The following NCOA1 variants were observed in gnomAD, a reference collection of about 807,000 sequenced individuals.
NCOA1 encodes the protein nuclear receptor coactivator 1, also known as Hin-2 protein.
Under a neutral mutation model 150.9 loss-of-function variants are expected in NCOA1, and 35 were observed. The ratio of observed to expected loss-of-function variants is 0.23; its 90% confidence interval spans 0.18 to 0.31. NCOA1 has a LOEUF of 0.31. Ranked by LOEUF, NCOA1 falls within the 10% of genes least tolerant of loss-of-function variation. The probability of loss-of-function intolerance (pLI) is 1.00; values close to 1 mark genes in which losing one functional copy is unlikely to be tolerated. For missense variants in NCOA1, 1,491 were observed against 1,749.3 expected, an observed-to-expected ratio of 0.85 and a Z score of 2.63; for synonymous variants, 590 against 630.0, an observed-to-expected ratio of 0.94 and a Z score of 0.95.
At chr2:24,574,764 C>G (rs1666884004) in intron 2 of NCOA1, among the ~76,000 whole-genome samples, 1 of 152,050 alleles carries the variant, frequency 6.6e-6, no homozygotes, top group Non-Finnish European at 1.5e-5. Flanking sequence ...TAGTAGGGTA[C>G]AGAATTTGAG....
chr2:24,518,683 A>G (rs1664303363), intron 1 of NCOA1, among the ~76,000 whole-genome samples: 3 of 152,228 alleles, frequency 2.0e-5, no homozygotes, highest in African/African-American at 7.2e-5. Context: ...TATATTGGCA[A>G]TGAACATTTG....
intron 8 of NCOA1, among the ~76,000 whole-genome samples, chr2:24,685,641 G>A (rs144102439): frequency 1.1e-3 from 163 of 152,294 alleles, no homozygotes; most frequent in African/African-American, 3.8e-3. Flanking sequence ...AATTAGCAGC[G>A]TGACCTTGAA....
intron 3 of NCOA1, among the ~76,000 whole-genome samples, chr2:24,616,269 T>C (rs1668868126): frequency 2.6e-5 from 4 of 152,198 alleles, no homozygotes; most frequent in Admixed American, 2.6e-4. Flanking sequence ...CCATCCTTTT[T>C]CACAGATGAT....
intron 2 of NCOA1, among the ~76,000 whole-genome samples, chr2:24,579,183 G>A (rs1667103961): frequency 6.6e-6 from 1 of 152,184 alleles, no homozygotes; most frequent in Admixed American, 6.5e-5. Context: ...AGAGTTCTTA[G>A]AGGAATTTGA....
chr2:24,493,939 G>C (rs192246693), intron 1 of NCOA1, among the ~76,000 whole-genome samples: 1 of 152,298 alleles, frequency 6.6e-6, no homozygotes, highest in East Asian at 1.9e-4. Flanking sequence ...TAATCTTTTG[G>C]TGGGCAGAAG....
intron 4 of NCOA1, among the ~76,000 whole-genome samples, chr2:24,656,781 G>A (rs1292913726): frequency 6.6e-6 from 1 of 152,164 alleles, no homozygotes; most frequent in Non-Finnish European, 1.5e-5. Context: ...ATGTTGCCAT[G>A]AATAACAAGA....
chr2:24,688,008 T>C (rs1286521696), intron 8 of NCOA1, among the ~76,000 whole-genome samples: 2 of 152,218 alleles, frequency 1.3e-5, no homozygotes, highest in African/African-American at 2.4e-5. Context: ...ATGCAGTGTT[T>C]GGTTTTCTGT....
chr2:24,550,799 A>G (rs1315898835), intron 1 of NCOA1, among the ~76,000 whole-genome samples: 1 of 152,166 alleles, frequency 6.6e-6, no homozygotes, highest in Non-Finnish European at 1.5e-5. Flanking sequence ...AAGTATTTGT[A>G]TTACCTAACT....
intron 1 of NCOA1, among the ~76,000 whole-genome samples, chr2:24,527,361 C>T (rs908332237): frequency 6.6e-6 from 1 of 152,148 alleles, no homozygotes; most frequent in South Asian, 2.1e-4. Flanking sequence ...TATTCTCTCT[C>T]TCTGTACATT....
intron 1 of NCOA1, among the ~76,000 whole-genome samples, chr2:24,538,822 G>T (rs1249131433): frequency 6.6e-6 from 1 of 152,054 alleles, no homozygotes; most frequent in African/African-American, 2.4e-5. Context: ...AACAGACTCT[G>T]TCCTCAAGGA....
intron 6 of NCOA1, among the ~76,000 whole-genome samples, chr2:24,666,823 G>A (rs973803198): frequency 6.6e-6 from 1 of 151,946 alleles, no homozygotes; most frequent in Non-Finnish European, 1.5e-5. Context: ...AGTAGAGATG[G>A]GGTTGCACCA....
chr2:24,650,930 A>G lies in NCOA1; in HGVS notation c.-18+6808A>G, dbSNP rs186068891. ...AAAATCTGAAATGCAGAATGCTCCA[A>G]TGAGCATTTCCTTTGAGTGTTATGT... On this transcript the variant is annotated intron_variant, in intron 4 of 22. Coordinates refer to ENST00000348332, the MANE Select transcript of NCOA1 (RefSeq NM_003743.5). Among the ~76,000 whole-genome samples, 356 of 152,226 alleles carry G rather than the reference A, an allele frequency of 2.3e-3. 1 individual carries two copies. Among genetic ancestry groups the G allele is most frequent in the Non-Finnish European group, 3.8e-3 (257 of 67,958 alleles).
At chr2:24,757,830 T>C (rs1664574679) in intron 20 of NCOA1, 143 bp from the exon 21 acceptor site, 11 of 689,730 alleles carry the variant, frequency 1.6e-5, no homozygotes, top group Non-Finnish European at 2.6e-5. Flanking sequence ...ATCTGAATTA[T>C]ATTAATTTTT....
chr2:24,528,315 G>C (rs1013829383), intron 1 of NCOA1, among the ~76,000 whole-genome samples: 1 of 148,134 alleles, frequency 6.8e-6, no homozygotes, highest in African/African-American at 2.5e-5. Flanking sequence ...ATTAATTTCT[G>C]TGGCGTCAAA....
At chr2:24,590,483 A>AT (rs1667610741) in intron 3 of NCOA1, among the ~76,000 whole-genome samples, 1 of 152,094 alleles carries the variant, frequency 6.6e-6, no homozygotes, top group African/African-American at 2.4e-5. Context: ...GTGTGTCTCT[A>AT]TTTTTTCAAA....
chr2:24,717,400 A>G (rs981754095), intron 14 of NCOA1, among the ~76,000 whole-genome samples: 2 of 152,248 alleles, frequency 1.3e-5, no homozygotes, highest in African/African-American at 4.8e-5. Flanking sequence ...AAAAGGCTAC[A>G]CATCCTGTAT....
At chr2:24,692,619 A>C (rs1270092934) in intron 9 of NCOA1, among the ~76,000 whole-genome samples, 1 of 152,180 alleles carries the variant, frequency 6.6e-6, no homozygotes, top group African/African-American at 2.4e-5. Flanking sequence ...GTATTTTAAA[A>C]AACACTGTGC....
intron 3 of NCOA1, among the ~76,000 whole-genome samples, chr2:24,639,887 CAAAA>C (rs1278174216): frequency 8.3e-5 from 4 of 48,052 alleles, no homozygotes; most frequent in East Asian, 4.9e-4. Context: ...GACTCTGTCT[CAAAA>C]AAAAAAAAAA....
chr2:24,742,147 C>T lies in NCOA1; in HGVS notation c.3667C>T (p.Pro1223Ser). Residue 1223 changes from proline to serine, a missense_variant, in exon 19 of 23, where the codon CCT becomes TCT. By Grantham distance (74) the Pro-to-Ser change is moderately conservative. Coordinates refer to ENST00000348332, the MANE Select transcript of NCOA1 (RefSeq NM_003743.5). ...IGGQFGTGINPQMQQNVFQYP... is the reference protein window; with the variant it reads ...IGGQFGTGINSQMQQNVFQYP... ...AGGACAGTTTGGCACTGGAATCAAT[C>T]CTCAGATGCAGCAGAATGTCTTCCA... is the stretch of plus-strand genomic sequence containing the variant. 1.2e-6 allele frequency: 2 copies of T among 1,613,720 alleles called. No homozygotes were observed. Among genetic ancestry groups the T allele is most frequent in the Non-Finnish European group, 1.7e-6 (2 of 1,179,778 alleles).
Sources: gnomAD v4.1 joint callset for allele counts (sites outside exome capture counted in the v4.1 genomes callset) on GRCh38, gnomAD v4.1.1 for gene constraint, MANE v1.5 for transcripts, NCBI Gene and HGNC (gene_info 2026-07-23, HGNC 2026-07-21) for gene names.